Variants in MBNL1 observed in about 807,000 individuals in gnomAD.
The protein encoded by MBNL1 is muscleblind like splicing regulator 1.
Under a neutral mutation model 42.2 loss-of-function variants are expected in MBNL1, and 8 were observed. That is an observed-to-expected ratio of 0.19 (90% CI 0.11 to 0.34). The LOEUF (loss-of-function observed/expected upper bound fraction) is 0.34. MBNL1 is among the 10% of genes least tolerant of loss of function. MBNL1 has a pLI of 1.00. For missense variants in MBNL1, 309 were observed against 495.3 expected, an observed-to-expected ratio of 0.62 and a Z score of 3.57; for synonymous variants, 169 against 173.9, an observed-to-expected ratio of 0.97 and a Z score of 0.22.
At chr3:152,394,572 A>T (rs1440124607) in intron 2 of MBNL1, among the ~76,000 whole-genome samples, 1 of 152,214 alleles carries the variant, frequency 6.6e-6, no homozygotes, top group Non-Finnish European at 1.5e-5. Context: ...GAATTATGTG[A>T]GATCTACTCT....
At chr3:152,359,481 G>C (rs2095786159) in intron 2 of MBNL1, among the ~76,000 whole-genome samples, 1 of 152,044 alleles carries the variant, frequency 6.6e-6, no homozygotes, top group African/African-American at 2.4e-5. Context: ...GATTTGTCAG[G>C]TTTGCTGATT....
intron 2 of MBNL1, among the ~76,000 whole-genome samples, chr3:152,397,149 A>C (rs2097995164): frequency 1.3e-5 from 2 of 152,210 alleles, no homozygotes; most frequent in South Asian, 4.1e-4. Flanking sequence ...AAAATCTTGG[A>C]GATAAGAACA....
In MBNL1 at chr3:152,410,861, A is replaced by T. The variant is rs563405813; in HGVS notation, c.175-4080A>T. On this transcript the variant is annotated intron_variant, in intron 2 of 9. Transcript: ENST00000324210. ...GCTTTTATTACATTATTGATGACTG[A>T]TATGCATTGTCACTGGGTTTTGCTA... Among the ~76,000 whole-genome samples, 182 of 152,390 alleles carry T rather than the reference A, an allele frequency of 1.2e-3. 2 individuals are homozygous for T. Among genetic ancestry groups the T allele is most frequent in the African/African-American group, 4.2e-3 (175 of 41,596 alleles).
chr3:152,372,804 C>G (rs1273813266), intron 2 of MBNL1, among the ~76,000 whole-genome samples: 1 of 152,236 alleles, frequency 6.6e-6, no homozygotes, highest in African/African-American at 2.4e-5. Flanking sequence ...GGCAGTCTGT[C>G]CCTTAGCAGA....
chr3:152,448,640 A>T (rs991786380), intron 6 of MBNL1, among the ~76,000 whole-genome samples: 51 of 152,120 alleles, frequency 3.4e-4, no homozygotes, highest in African/African-American at 1.1e-3. Flanking sequence ...TTTATTAATT[A>T]AATTAATGAG....
At chr3:152,309,246 C>A (rs1180189002) in intron 2 of MBNL1, among the ~76,000 whole-genome samples, 1 of 152,126 alleles carries the variant, frequency 6.6e-6, no homozygotes, top group Admixed American at 6.5e-5. Context: ...CACAGGCCAC[C>A]AGACTGTGGC....
At chr3:152,271,295 C>A (rs2149801956) in intron 1 of MBNL1, among the ~76,000 whole-genome samples, 1 of 151,890 alleles carries the variant, frequency 6.6e-6, no homozygotes, top group East Asian at 1.9e-4. Flanking sequence ...AGAACAAGAA[C>A]AGACTAACCC....
At chr3:152,289,907 ATTTG>A (rs2054866314) in intron 1 of MBNL1, among the ~76,000 whole-genome samples, 1 of 152,076 alleles carries the variant, frequency 6.6e-6, no homozygotes, top group African/African-American at 2.4e-5. Context: ...AAGTTCACTA[ATTTG>A]TTTTTTTAGG....
At chr3:152,396,969 T>C (rs1228571117) in intron 2 of MBNL1, among the ~76,000 whole-genome samples, 1 of 152,134 alleles carries the variant, frequency 6.6e-6, no homozygotes, top group African/African-American at 2.4e-5. Context: ...AAGTGTAACA[T>C]TGGGAAAACA....
intron 2 of MBNL1, among the ~76,000 whole-genome samples, chr3:152,400,087 C>T (rs981624054): frequency 1.4e-4 from 22 of 152,092 alleles, no homozygotes; most frequent in African/African-American, 4.1e-4. Context: ...CTGATTTGTA[C>T]TATGAGGCTA....
At chr3:152,309,012 G>A (rs940131468) in intron 2 of MBNL1, among the ~76,000 whole-genome samples, 1 of 152,104 alleles carries the variant, frequency 6.6e-6, no homozygotes, top group Non-Finnish European at 1.5e-5. Context: ...TTACTAACAG[G>A]GAGACTAGTA....
chr3:152,373,269 C>A (rs979125251), intron 2 of MBNL1, among the ~76,000 whole-genome samples: 2 of 151,000 alleles, frequency 1.3e-5, no homozygotes, highest in African/African-American at 4.9e-5. Context: ...CCACTTGGCT[C>A]CCTGGCTTCA....
intron 2 of MBNL1, among the ~76,000 whole-genome samples, chr3:152,400,750 TCCCCAGTGTATATGAAATGAACTATTTGG>T (rs1323060769): frequency 6.6e-6 from 1 of 152,198 alleles, no homozygotes; most frequent in Non-Finnish European, 1.5e-5. Context: ...AGTGCCCTTT[TCCCCAGTGTATATGAAATGAACTATTTGG>T]AAAATGGATA....
chr3:152,343,539 A>C (rs903358875), intron 2 of MBNL1, among the ~76,000 whole-genome samples: 1 of 152,170 alleles, frequency 6.6e-6, no homozygotes, highest in African/African-American at 2.4e-5. Context: ...AAATAAGAGC[A>C]TAAGATCCAG....
intron 2 of MBNL1, chr3:152,340,477 A>G (rs775036113): frequency 9.8e-6 from 15 of 1,523,222 alleles, no homozygotes; most frequent in South Asian, 9.3e-5. Context: ...ATGTGAATTT[A>G]TAGACTTATT....
intron 2 of MBNL1, among the ~76,000 whole-genome samples, chr3:152,328,577 T>C (rs1031987295): frequency 3.3e-5 from 5 of 152,286 alleles, no homozygotes; most frequent in Admixed American, 3.3e-4. Context: ...AACTAAAATT[T>C]AGAAGAATGG....
chr3:152,315,932 C>A (rs115202501), intron 2 of MBNL1, among the ~76,000 whole-genome samples: 6 of 151,894 alleles, frequency 4.0e-5, no homozygotes, highest in Admixed American at 2.0e-4. Flanking sequence ...CACACCCACA[C>A]GTCTTATGGA....
At chr3:152,371,452 C>T (rs754368688) in intron 2 of MBNL1, among the ~76,000 whole-genome samples, 14 of 152,142 alleles carry the variant, frequency 9.2e-5, no homozygotes, top group Non-Finnish European at 1.6e-4. Flanking sequence ...ACAAAATTAG[C>T]CAGCTGTGGT....
At chr3:152,419,409 G>A (rs944931847) in intron 3 of MBNL1, among the ~76,000 whole-genome samples, 4 of 152,132 alleles carry the variant, frequency 2.6e-5, no homozygotes, top group Admixed American at 2.6e-4. Context: ...TAGACAGTTG[G>A]TGCAGCCCAC....
Sources: allele counts gnomAD v4.1 joint callset (sites outside exome capture counted in the v4.1 genomes callset), GRCh38; gene constraint gnomAD v4.1.1; transcripts MANE v1.5; gene names NCBI Gene and HGNC (gene_info 2026-07-23, HGNC 2026-07-21).